Variants in PIBF1 observed in about 807,000 individuals in gnomAD.
PIBF1 encodes the protein progesterone-induced-blocking factor 1.
Under a neutral mutation model 112.5 loss-of-function variants are expected in PIBF1, and 90 were observed. The ratio of observed to expected loss-of-function variants is 0.80; its 90% CI spans 0.67 to 0.95. The LOEUF (loss-of-function observed/expected upper bound fraction) is 0.95. Among genes scored for constraint, PIBF1 ranks in the 40% least tolerant of loss-of-function variants. PIBF1 has a pLI of 0.00. For synonymous variants in PIBF1, 301 were observed against 288.6 expected (o/e 1.04, Z -0.44); for missense variants, 915 against 852.3 (o/e 1.07, Z -0.92).
chr13:72,840,154 TATGTA>T (rs774135785), intron 9 of PIBF1, among the ~76,000 whole-genome samples: 4 of 152,232 alleles, frequency 2.6e-5, no homozygotes, highest in Non-Finnish European at 5.9e-5. Flanking sequence ...CTCTATGTTT[TATGTA>T]ATCTTTGGGG....
At chr13:72,990,012 G>A (rs749812952) in intron 16 of PIBF1, among the ~76,000 whole-genome samples, 3 of 151,864 alleles carry the variant, frequency 2.0e-5, no homozygotes, top group Admixed American at 6.6e-5. Flanking sequence ...TCAGGAGTTC[G>A]AGATCAGACT....
intron 13 of PIBF1, among the ~76,000 whole-genome samples, chr13:72,927,232 G>T (rs903246588): frequency 6.6e-6 from 1 of 151,954 alleles, no homozygotes; most frequent in African/African-American, 2.4e-5. Context: ...CTGTCCGGGC[G>T]TGGTGGCTCA....
intron 14 of PIBF1, among the ~76,000 whole-genome samples, chr13:72,939,669 T>A (rs910667769): frequency 1.3e-5 from 2 of 152,210 alleles, no homozygotes; most frequent in African/African-American, 4.8e-5. Flanking sequence ...TTCTGACTAT[T>A]GTAAAAAGCG....
At chr13:72,899,348 G>A (rs1413128959) in intron 11 of PIBF1, among the ~76,000 whole-genome samples, 1 of 152,086 alleles carries the variant, frequency 6.6e-6, no homozygotes, top group Non-Finnish European at 1.5e-5. Context: ...TGATATCTTT[G>A]ATGAACATAA....
chr13:72,862,571 G>T (rs1373150805), intron 10 of PIBF1, among the ~76,000 whole-genome samples: 2 of 152,134 alleles, frequency 1.3e-5, no homozygotes, highest in Admixed American at 1.3e-4. Flanking sequence ...CAAGATGAAA[G>T]GCTCTCTGTC....
intron 14 of PIBF1, among the ~76,000 whole-genome samples, chr13:72,932,507 T>C (rs188640824): frequency 1.8e-3 from 268 of 152,268 alleles, no homozygotes; most frequent in Non-Finnish European, 3.1e-3. Flanking sequence ...TGTTGGTAAA[T>C]GTTAACAGCC....
At chr13:72,915,277 A>G (rs2041047620) in intron 12 of PIBF1, among the ~76,000 whole-genome samples, 1 of 152,122 alleles carries the variant, frequency 6.6e-6, no homozygotes, top group African/African-American at 2.4e-5. Flanking sequence ...CAGTCTCCCC[A>G]TATCTACCCT....
chr13:72,915,026 AT>A (rs991896984), intron 12 of PIBF1, among the ~76,000 whole-genome samples: 18 of 152,236 alleles, frequency 1.2e-4, no homozygotes, highest in Admixed American at 3.9e-4. Flanking sequence ...ATAATAAAAA[AT>A]AATACATTTT....
intron 2 of PIBF1, among the ~76,000 whole-genome samples, chr13:72,790,421 T>TCACTCA (rs2034837877): frequency 7.4e-6 from 1 of 135,542 alleles, no homozygotes; most frequent in African/African-American, 2.9e-5. Context: ...GAGGAGTCCA[T>TCACTCA]CACACACACA....
intron 12 of PIBF1, among the ~76,000 whole-genome samples, chr13:72,909,301 G>A (rs1412464121): frequency 1.3e-5 from 2 of 152,036 alleles, no homozygotes; most frequent in African/African-American, 2.4e-5. Flanking sequence ...AATAATTCCC[G>A]TCTCAAGGGG....
intron 9 of PIBF1, among the ~76,000 whole-genome samples, chr13:72,851,798 A>G (rs933576321): frequency 6.6e-6 from 1 of 152,226 alleles, no homozygotes; most frequent in African/African-American, 2.4e-5. Flanking sequence ...CAAAAACCCC[A>G]GACTCTGGCA....
chr13:72,831,297 C>G (rs149333705), intron 8 of PIBF1, among the ~76,000 whole-genome samples: 1 of 151,848 alleles, frequency 6.6e-6, no homozygotes, highest in Non-Finnish European at 1.5e-5. Context: ...TATTTCTTGT[C>G]TTCTGCTAGA....
chr13:72,806,136 G>T (rs1433135952), intron 5 of PIBF1, among the ~76,000 whole-genome samples: 1 of 152,154 alleles, frequency 6.6e-6, no homozygotes, highest in Non-Finnish European at 1.5e-5. Context: ...CTCACATTGT[G>T]CAACAGATCT....
At chr13:72,971,793 A>G (rs2042898476) in intron 15 of PIBF1, among the ~76,000 whole-genome samples, 1 of 152,098 alleles carries the variant, frequency 6.6e-6, no homozygotes, top group Admixed American at 6.6e-5. Context: ...TCAGTGGCAC[A>G]GTTGGGAACA....
chr13:72,861,492 TA>T (rs1166071010), intron 10 of PIBF1, among the ~76,000 whole-genome samples: 6 of 152,172 alleles, frequency 3.9e-5, no homozygotes, highest in African/African-American at 1.4e-4. Flanking sequence ...AAGTGATTTT[TA>T]TGTCATATTG....
intron 14 of PIBF1, among the ~76,000 whole-genome samples, chr13:72,957,027 T>G (rs1196775295): frequency 6.6e-6 from 1 of 152,186 alleles, no homozygotes; most frequent in Non-Finnish European, 1.5e-5. Context: ...GATATTGGCA[T>G]GGATGTGGTG....
chr13:72,871,047 A>G (rs531895267), intron 10 of PIBF1, among the ~76,000 whole-genome samples: 70 of 152,226 alleles, frequency 4.6e-4, no homozygotes, highest in African/African-American at 1.7e-3. Flanking sequence ...AGATGCCCTG[A>G]ATAGGAGTTC....
chr13:72,854,012 T>A (rs1566361298), intron 9 of PIBF1, 45 bp from the exon 10 acceptor site: 1 of 1,331,280 alleles, frequency 7.5e-7, no homozygotes. Flanking sequence ...AGAACATAGA[T>A]AAATCACGCA....
chr13:72,982,821 A>T (rs2043186579), intron 16 of PIBF1, among the ~76,000 whole-genome samples: 1 of 152,220 alleles, frequency 6.6e-6, no homozygotes, highest in Non-Finnish European at 1.5e-5. Context: ...ATCCAAGGAC[A>T]ATTTTAGATA....
Sources: allele counts gnomAD v4.1 joint callset (sites outside exome capture counted in the v4.1 genomes callset), GRCh38; gene constraint gnomAD v4.1.1; transcripts MANE v1.5; gene names NCBI Gene and HGNC (gene_info 2026-07-23, HGNC 2026-07-21).